WWOX: variants seen among roughly 807,000 people sequenced by gnomAD.
WWOX encodes the protein WW domain-containing oxidoreductase.
A neutral mutation model predicts 46.2 loss-of-function variants in WWOX; 69 were observed. That is an observed-to-expected ratio of 1.49 (90% CI 1.23 to 1.82). The LOEUF is 1.82. Ranked by LOEUF, WWOX falls within the 40% of genes most tolerant of loss-of-function variation. The pLI is 0.00. For synonymous variants in WWOX, 359 were observed against 202.6 expected (o/e 1.77, Z -6.56); for missense variants, 919 against 542.6 (o/e 1.69, Z -6.89).
intron 8 of WWOX, among the ~76,000 whole-genome samples, chr16:78,771,847 A>C (rs2050072498): frequency 6.6e-6 from 1 of 152,146 alleles, no homozygotes; most frequent in African/African-American, 2.4e-5. Flanking sequence ...AGCTTTAACG[A>C]GTTCAGTCTA....
rs2080210537 is a variant in WWOX at position 78,310,052 on chromosome 16, TCCTTCCC to T, written c.517-76804_517-76798del. Among the ~76,000 whole-genome samples the T allele has an allele frequency of 2.7e-5, 4 of 150,816 alleles. No homozygotes were observed. The South Asian group carries it at 8.7e-4, about 33-fold the overall frequency. On this transcript the variant is annotated intron_variant, in intron 5 of 8. Coordinates refer to ENST00000566780, the MANE Select transcript of WWOX (RefSeq NM_016373.4). ...TATTGTCATTATCTTCCCTTCCTCC[TCCTTCCC>T]CCTCCTTCCCCCTCTCTTTTTCCTT...
chr16:78,443,088 A>G (rs1218327432), intron 8 of WWOX, among the ~76,000 whole-genome samples: 4 of 147,238 alleles, frequency 2.7e-5, no homozygotes, highest in African/African-American at 1.0e-4. Flanking sequence ...GTGAGCCAAG[A>G]TCGCACCACT....
At chr16:78,528,215 C>T (rs2043529699) in intron 8 of WWOX, among the ~76,000 whole-genome samples, 1 of 130,960 alleles carries the variant, frequency 7.6e-6, no homozygotes, top group East Asian at 2.3e-4. Context: ...AGGGTTTCAC[C>T]GTGTTAGCCA....
chr16:78,875,428 C>T (rs367553686), intron 8 of WWOX, among the ~76,000 whole-genome samples: 3 of 152,312 alleles, frequency 2.0e-5, no homozygotes, highest in South Asian at 2.1e-4. Context: ...AGTGTCTGAT[C>T]TGCCTGGCTA....
At chr16:78,769,604 A>G (rs557131749) in intron 8 of WWOX, among the ~76,000 whole-genome samples, 19 of 146,398 alleles carry the variant, frequency 1.3e-4, no homozygotes, top group Non-Finnish European at 1.6e-4. Context: ...CTGTTACTCC[A>G]TCAGTCAGGA....
chr16:78,640,120 A>C (rs1028291690), intron 8 of WWOX, among the ~76,000 whole-genome samples: 4 of 151,844 alleles, frequency 2.6e-5, no homozygotes, highest in Admixed American at 2.0e-4. Flanking sequence ...TTGAGAAGAA[A>C]TGGATCTTCA....
At chr16:78,594,429 G>GGCC (rs2045429050) in intron 8 of WWOX, among the ~76,000 whole-genome samples, 2 of 32,380 alleles carry the variant, frequency 6.2e-5, no homozygotes. Flanking sequence ...CTGAGGAAAG[G>GGCC]CCCCCCCCCC....
intron 8 of WWOX, among the ~76,000 whole-genome samples, chr16:79,158,575 C>G (rs1376840346): frequency 6.6e-6 from 1 of 152,228 alleles, no homozygotes; most frequent in East Asian, 1.9e-4. Flanking sequence ...TCACGCCTCC[C>G]TGTTCTTTCA....
chr16:78,785,232 A>G (rs147759340), intron 8 of WWOX, among the ~76,000 whole-genome samples: 1 of 152,230 alleles, frequency 6.6e-6, no homozygotes, highest in Non-Finnish European at 1.5e-5. Flanking sequence ...CAAAGGAGAT[A>G]AGGCTGCAGT....
chr16:78,791,947 A>C (rs1047847483), intron 8 of WWOX, among the ~76,000 whole-genome samples: 1 of 152,196 alleles, frequency 6.6e-6, no homozygotes, highest in South Asian at 2.1e-4. Flanking sequence ...CCTTCTCTTC[A>C]CAAGTTTTTC....
chr16:79,094,097 C>G (rs1269312769), intron 8 of WWOX, among the ~76,000 whole-genome samples: 2 of 152,190 alleles, frequency 1.3e-5, no homozygotes, highest in Admixed American at 6.5e-5. Flanking sequence ...ATCCCACCTC[C>G]TCACTCCTCT....
intron 7 of WWOX, among the ~76,000 whole-genome samples, chr16:78,432,212 T>C (rs1244217362): frequency 6.6e-6 from 1 of 151,816 alleles, no homozygotes; most frequent in Non-Finnish European, 1.5e-5. Flanking sequence ...CTGCCTCCCA[T>C]GTTTCAGTGA....
chr16:78,993,836 C>T (rs1665536261), intron 8 of WWOX, among the ~76,000 whole-genome samples: 1 of 152,218 alleles, frequency 6.6e-6, no homozygotes, highest in Admixed American at 6.5e-5. Context: ...AGCCAAGACG[C>T]CTGTTCTCCA....
chr16:78,951,503 AAGTACCTCAC>A (rs111468410), intron 8 of WWOX, among the ~76,000 whole-genome samples: 26,804 of 152,060 alleles, frequency 0.18, 2,847 homozygotes, highest in African/African-American at 0.3. Flanking sequence ...GTGAGGTATG[AAGTACCTCAC>A]AGTAAAGAAG....
intron 8 of WWOX, among the ~76,000 whole-genome samples, chr16:78,662,004 A>G (rs147585501): frequency 2.3e-3 from 344 of 152,346 alleles, no homozygotes; most frequent in African/African-American, 7.8e-3. Context: ...AGATTGTGCC[A>G]CTGCACTCCA....
intron 4 of WWOX, among the ~76,000 whole-genome samples, chr16:78,161,165 A>T (rs1317146476): frequency 6.6e-6 from 1 of 152,166 alleles, no homozygotes; most frequent in Admixed American, 6.5e-5. Flanking sequence ...TTATGTTTAA[A>T]TAAGGTATAA....
At chr16:78,163,732 G>A (rs1261046192) in intron 4 of WWOX, among the ~76,000 whole-genome samples, 2 of 152,326 alleles carry the variant, frequency 1.3e-5, no homozygotes, top group East Asian at 3.9e-4. Flanking sequence ...AAGCAGAGGT[G>A]CTGGCGACAC....
At chr16:78,809,621 AG>A (rs1196772548) in intron 8 of WWOX, among the ~76,000 whole-genome samples, 1 of 152,088 alleles carries the variant, frequency 6.6e-6, no homozygotes, top group East Asian at 1.9e-4. Context: ...CAGAAACTCC[AG>A]AAATTTAACC....
intron 8 of WWOX, among the ~76,000 whole-genome samples, chr16:78,644,837 G>A (rs966073374): frequency 6.6e-6 from 1 of 152,290 alleles, no homozygotes; most frequent in South Asian, 2.1e-4. Context: ...ACACTAGTAG[G>A]TACAGCAGGA....
Sources: gnomAD v4.1 joint callset for allele counts (sites outside exome capture counted in the v4.1 genomes callset) on GRCh38, gnomAD v4.1.1 for gene constraint, MANE v1.5 for transcripts, NCBI Gene and HGNC (gene_info 2026-07-23, HGNC 2026-07-21) for gene names.